Variants in SPIDR observed in about 807,000 individuals in gnomAD.
SPIDR encodes DNA repair-scaffolding protein.
Under a neutral mutation model 104.6 loss-of-function variants are expected in SPIDR, and 93 were observed. The ratio of observed to expected loss-of-function variants is 0.89; its 90% CI spans 0.75 to 1.06. The LOEUF is 1.06. SPIDR is among the 50% of genes least tolerant of loss of function. The pLI is 0.00. For missense variants in SPIDR, 1,154 were observed against 1,111.2 expected, an observed-to-expected ratio of 1.04 and a Z score of -0.55; for synonymous variants, 431 against 416.9, an observed-to-expected ratio of 1.03 and a Z score of -0.41.
intron 1 of SPIDR, among the ~76,000 whole-genome samples, chr8:47,276,139 G>T (rs955288295): frequency 1.3e-5 from 2 of 152,342 alleles, no homozygotes; most frequent in Admixed American, 1.3e-4. Flanking sequence ...GGGGTTACAG[G>T]CATGAGCCAC....
intron 6 of SPIDR, among the ~76,000 whole-genome samples, chr8:47,402,135 T>C (rs2061987334): frequency 6.6e-6 from 1 of 152,180 alleles, no homozygotes; most frequent in Non-Finnish European, 1.5e-5. Context: ...ACAAAATGTC[T>C]CTGAGACCAC....
chr8:47,364,747 A>G (rs1191278983), intron 5 of SPIDR, among the ~76,000 whole-genome samples: 2 of 152,198 alleles, frequency 1.3e-5, no homozygotes, highest in East Asian at 3.8e-4. Context: ...GATAATCCAA[A>G]AAAAAGTCTG....
chr8:47,493,032 A>AGT (rs2078968251), intron 8 of SPIDR, among the ~76,000 whole-genome samples: 3 of 142,060 alleles, frequency 2.1e-5, no homozygotes, highest in East Asian at 4.0e-4. Flanking sequence ...AGAGAGAGAG[A>AGT]GAGAGAGTGA....
At chr8:47,536,692 T>A (rs772812798) in intron 8 of SPIDR, among the ~76,000 whole-genome samples, 2 of 152,130 alleles carry the variant, frequency 1.3e-5, no homozygotes, top group Admixed American at 6.5e-5. Context: ...CTAGATGACT[T>A]TAAGTTTGGC....
At chr8:47,283,497 C>G (rs1253165114) in intron 2 of SPIDR, among the ~76,000 whole-genome samples, 2 of 152,098 alleles carry the variant, frequency 1.3e-5, no homozygotes, top group Non-Finnish European at 2.9e-5. Context: ...AAATATGACA[C>G]AGAGACACAA....
At chr8:47,417,705 A>G (rs528542734) in intron 7 of SPIDR, among the ~76,000 whole-genome samples, 12 of 152,258 alleles carry the variant, frequency 7.9e-5, no homozygotes, top group Admixed American at 3.3e-4. Context: ...GCCCATACCT[A>G]TGTCCTGAAT....
At position 47,344,178 on chromosome 8, in the gene SPIDR, C is replaced by G. The variant is rs180789773; in HGVS notation, c.525+50148C>G. Among the ~76,000 whole-genome samples, 28 of 150,102 alleles carry G rather than the reference C, an allele frequency of 1.9e-4. No homozygotes were observed. In the East Asian group the frequency reaches 5.4e-3, roughly 29 times the overall value. On this transcript the variant is annotated intron_variant, in intron 5 of 19. Transcript: ENST00000297423. ...ATTCCCCACGCTGTGTCCAAGTGTT[C>G]TCATTGTTCAATTCCCACCTATGAG...
intron 8 of SPIDR, among the ~76,000 whole-genome samples, chr8:47,516,790 A>G (rs531859017): frequency 2.2e-4 from 33 of 152,108 alleles, no homozygotes; most frequent in Non-Finnish European, 1.0e-4. Context: ...TTTTTCGGCT[A>G]TAGATCTAGG....
At chr8:47,596,885 A>AGTTTTTGTTG (rs2061680547) in intron 9 of SPIDR, among the ~76,000 whole-genome samples, 1 of 151,894 alleles carries the variant, frequency 6.6e-6, no homozygotes, top group South Asian at 2.1e-4. Context: ...AAACACAAAC[A>AGTTTTTGTTG]TACACAATAG....
At chr8:47,350,357 A>T (rs549857553) in intron 5 of SPIDR, among the ~76,000 whole-genome samples, 1 of 152,196 alleles carries the variant, frequency 6.6e-6, no homozygotes, top group East Asian at 1.9e-4. Flanking sequence ...TCTGTCACCC[A>T]TGCTGAAGTA....
At chr8:47,297,392 A>C (rs1554573481) in intron 5 of SPIDR, among the ~76,000 whole-genome samples, 77,878 of 151,974 alleles carry the variant, frequency 0.51, 23,987 homozygotes, top group African/African-American at 0.87. Flanking sequence ...CCTTCTATAC[A>C]TAATGTGTTG....
chr8:47,728,952 G>A lies in SPIDR; in HGVS notation c.2455G>A (p.Asp819Asn), dbSNP rs373903906. Reference sequence around the variant, plus strand: ...TACCAGAGGCGCCTTTTCCTGTGGGGACTGCTCCCGGGTGGTCACATCTCC... The same window carrying A: ...TACCAGAGGCGCCTTTTCCTGTGGGAACTGCTCCCGGGTGGTCACATCTCC... ...PEDRGAFSCG[D>N]CSRVVTSPVL... Residue 819 changes from aspartate to asparagine, a missense_variant, in exon 18 of 20, where the codon GAC (aspartate) becomes AAC (asparagine). By Grantham distance (23) the Asp-to-Asn change is conservative (BLOSUM62 1). Coordinates refer to ENST00000297423, the MANE Select transcript of SPIDR (RefSeq NM_001080394.4). The A allele has an allele frequency of 1.2e-5, 20 of 1,612,362 alleles. No individual in the cohort carries two copies. In the African/African-American group the frequency reaches 2.3e-4, roughly 18 times the overall value.
Position 47,735,335 on chromosome 8 carries a change from A to G in SPIDR, c.2633A>G (p.Lys878Arg), listed in dbSNP as rs368058651. 2.0e-5 allele frequency: 33 copies of G among 1,613,734 alleles called. No homozygotes were observed. In the Admixed American group the frequency reaches 3.5e-4, roughly 17 times the overall value. The change falls in exon 20 of 20, where the codon AAG (lysine) becomes AGG (arginine). Residue 878 changes from lysine (K) to arginine (R), a missense_variant. Physicochemically the swap from Lys to Arg is conservative, Grantham distance 26. Coordinates refer to ENST00000297423, the MANE Select transcript of SPIDR (RefSeq NM_001080394.4). ...GSYEVKSVLG[K>R]EVGLLNCFVQ... ...TACGAAGTGAAGAGTGTCCTCGGAA[A>G]GGAAGTGGGGTTGTTAAATTGTTTT...
chr8:47,723,797 A>G (rs907713932), intron 16 of SPIDR, among the ~76,000 whole-genome samples: 1 of 152,044 alleles, frequency 6.6e-6, no homozygotes, highest in African/African-American at 2.4e-5. Context: ...ACAGCCAATC[A>G]AGTCCACTTT....
chr8:47,405,291 CGTGTGTGT>C (rs34302817), intron 6 of SPIDR, among the ~76,000 whole-genome samples: 31 of 145,002 alleles, frequency 2.1e-4, no homozygotes, highest in East Asian at 1.0e-3. Flanking sequence ...CAACATGGCA[CGTGTGTGT>C]GTGTGTGTGT....
chr8:47,463,027 T>C (rs1564038997), intron 8 of SPIDR, among the ~76,000 whole-genome samples: 1 of 152,120 alleles, frequency 6.6e-6, no homozygotes, highest in Non-Finnish European at 1.5e-5. Flanking sequence ...AAAATCTGAA[T>C]AGACCTATAA....
At chr8:47,530,845 G>A (rs1354408587) in intron 8 of SPIDR, among the ~76,000 whole-genome samples, 2 of 151,786 alleles carry the variant, frequency 1.3e-5, no homozygotes, top group Non-Finnish European at 2.9e-5. Context: ...ACATTGTACA[G>A]TTGTACAAAA....
chr8:47,282,003 C>G (rs1554559044), intron 2 of SPIDR, among the ~76,000 whole-genome samples: 1 of 152,222 alleles, frequency 6.6e-6, no homozygotes, highest in Admixed American at 6.5e-5. Context: ...CATTCATCTC[C>G]TTGTACTTCT....
Position 47,611,611 on chromosome 8 carries a change from T to G in SPIDR, c.1544+12415T>G, listed in dbSNP as rs184455884. Among the ~76,000 whole-genome samples, 83 of 151,508 alleles carry G rather than the reference T, an allele frequency of 5.5e-4. No individual in the cohort carries two copies. In the East Asian group the frequency reaches 0.014, roughly 26 times the overall value. ...TACTTGGGAGGCTGAGGCAGGAGAG[T>G]GGCGTCAACCCAGGAGGCGGAGCTT... is the stretch of plus-strand genomic sequence containing the variant. On this transcript the variant is annotated intron_variant, in intron 10 of 19. Transcript: ENST00000297423.
Sources: gnomAD v4.1 joint callset for allele counts (sites outside exome capture counted in the v4.1 genomes callset) on GRCh38, gnomAD v4.1.1 for gene constraint, MANE v1.5 for transcripts, NCBI Gene and HGNC (gene_info 2026-07-23, HGNC 2026-07-21) for gene names.